ZNF566: variants seen among roughly 807,000 people sequenced by gnomAD.
The protein encoded by ZNF566 is zinc finger protein 566.
A neutral mutation model predicts 32.8 loss-of-function variants in ZNF566; 27 were observed. The observed-to-expected ratio is 0.82, with a 90% CI of 0.61 to 1.14. The LOEUF is 1.14. Ranked by LOEUF, ZNF566 falls within the 50% of genes most tolerant of loss-of-function variation. The pLI, the probability that ZNF566 is intolerant of heterozygous loss-of-function variation, is 0.00. For synonymous variants in ZNF566, 154 were observed against 159.5 expected, an observed-to-expected ratio of 0.97 and a Z score of 0.26; for missense variants, 402 against 490.4, an observed-to-expected ratio of 0.82 and a Z score of 1.70.
intron 4 of ZNF566, among the ~76,000 whole-genome samples, chr19:36,459,713 T>A (rs1467860726): frequency 2.0e-5 from 3 of 148,126 alleles, no homozygotes; most frequent in African/African-American, 7.5e-5. Flanking sequence ...GGTTTCACCA[T>A]GTTGGCCAGG....
intron 1 of ZNF566, among the ~76,000 whole-genome samples, chr19:36,483,355 A>G (rs964956666): frequency 9.2e-5 from 14 of 152,230 alleles, no homozygotes; most frequent in Admixed American, 9.2e-4. Context: ...CACCAGTAGC[A>G]ATAAGCACAC....
At chr19:36,478,291 A>C (rs2033945547) in intron 1 of ZNF566, among the ~76,000 whole-genome samples, 1 of 152,208 alleles carries the variant, frequency 6.6e-6, no homozygotes, top group South Asian at 2.1e-4. Context: ...ATAGCCTATG[A>C]TATATAATAG....
At chr19:36,456,274 G>A (rs1413947030) in intron 4 of ZNF566, among the ~76,000 whole-genome samples, 3 of 150,358 alleles carry the variant, frequency 2.0e-5, no homozygotes, top group East Asian at 1.9e-4. Flanking sequence ...GGTGGCTCAC[G>A]CCTGTAATCA....
chr19:36,469,493 TCACGCCTTTACACTCCAGCCTGGGTAACA>T (rs2033709918), intron 4 of ZNF566, among the ~76,000 whole-genome samples: 3 of 151,770 alleles, frequency 2.0e-5, no homozygotes, highest in African/African-American at 7.3e-5. Context: ...TGAGCCGAGA[TCACGCCTTTACACTCCAGCCTGGGTAACA>T]AGAGCGAAAC....
intron 1 of ZNF566, among the ~76,000 whole-genome samples, chr19:36,481,774 C>T (rs1048458552): frequency 6.6e-6 from 1 of 152,168 alleles, no homozygotes; most frequent in Non-Finnish European, 1.5e-5. Flanking sequence ...GTTATTGCAG[C>T]ACTGTTTCTA....
At chr19:36,457,173 G>A (rs1002892624) in intron 4 of ZNF566, among the ~76,000 whole-genome samples, 2 of 152,170 alleles carry the variant, frequency 1.3e-5, no homozygotes, top group Non-Finnish European at 2.9e-5. Flanking sequence ...TCAATAAATG[G>A]TGATGAGAAA....
chr19:36,477,267 C>G (rs1039939801), intron 1 of ZNF566, among the ~76,000 whole-genome samples: 13 of 152,136 alleles, frequency 8.5e-5, no homozygotes, highest in African/African-American at 3.1e-4. Flanking sequence ...GACTCCACCT[C>G]CCAATGTGCT....
chr19:36,471,104 C>T (rs868498910), intron 4 of ZNF566, among the ~76,000 whole-genome samples: 4 of 151,014 alleles, frequency 2.6e-5, no homozygotes, highest in Admixed American at 6.6e-5. Flanking sequence ...ATCCCAACTA[C>T]TCGGGAGGCT....
rs769264618 is a variant in ZNF566 at position 36,473,053 on chromosome 19, T to C, written c.137-47A>G. On this transcript the variant is annotated intron_variant, in intron 3 of 4. Coordinates refer to ENST00000452939, the MANE Select transcript of ZNF566 (RefSeq NM_001145344.1). Reference sequence around the variant, plus strand: ...AAACAAATTTATCATGAGCATATCCTAGAATTCAAATCCAGTCCCTTCATT... The same window carrying C: ...AAACAAATTTATCATGAGCATATCCCAGAATTCAAATCCAGTCCCTTCATT... 5 of 1,532,052 alleles carry C rather than the reference T, an allele frequency of 3.3e-6. No individual in the cohort carries two copies. The Admixed American group carries it at 8.8e-5, about 27-fold the overall frequency. 94.9% of individuals were successfully genotyped at this position (1,532,052 alleles called of 1,614,324 possible). A position where few individuals can be genotyped will look rare whatever the true frequency, so the allele number is the denominator to read the frequency against.
chr19:36,453,673 T>C (rs530748664), intron 4 of ZNF566, among the ~76,000 whole-genome samples: 279 of 151,554 alleles, frequency 1.8e-3, no homozygotes, highest in Non-Finnish European at 3.1e-3. Context: ...GCTATTATTA[T>C]TATTATTACT....
chr19:36,465,980 T>C (rs535377959), intron 4 of ZNF566, among the ~76,000 whole-genome samples: 1 of 150,658 alleles, frequency 6.6e-6, no homozygotes, highest in African/African-American at 2.4e-5. Flanking sequence ...TTTATGTCAG[T>C]TTAATAGAAG....
At chr19:36,482,518 C>T (rs2034061927) in intron 1 of ZNF566, among the ~76,000 whole-genome samples, 1 of 149,750 alleles carries the variant, frequency 6.7e-6, no homozygotes, top group Non-Finnish European at 1.5e-5. Context: ...AAAAAAAAAA[C>T]ATACTGAAAA....
intron 4 of ZNF566, among the ~76,000 whole-genome samples, chr19:36,468,374 G>T (rs113389992): frequency 6.6e-6 from 1 of 151,758 alleles, no homozygotes; most frequent in African/African-American, 2.4e-5. Flanking sequence ...GGGAGGTTGA[G>T]GTGGGAGGAT....
chr19:36,480,805 C>A (rs551937002), intron 1 of ZNF566, among the ~76,000 whole-genome samples: 1 of 151,466 alleles, frequency 6.6e-6, no homozygotes, highest in East Asian at 2.0e-4. Context: ...CAAGGCCCAC[C>A]AAGGCAGGCG....
chr19:36,479,134 T>C (rs1451025701), intron 1 of ZNF566, among the ~76,000 whole-genome samples: 2 of 152,236 alleles, frequency 1.3e-5, no homozygotes, highest in Non-Finnish European at 2.9e-5. Flanking sequence ...AGAGCTAATG[T>C]TATAACTAAT....
chr19:36,461,300 C>T (rs1027332757), intron 4 of ZNF566, among the ~76,000 whole-genome samples: 5 of 152,162 alleles, frequency 3.3e-5, no homozygotes, highest in Non-Finnish European at 7.4e-5. Flanking sequence ...GTAGGATACA[C>T]CCTGAGTTAC....
chr19:36,473,150 T>C lies in ZNF566; in HGVS notation c.137-144A>G, dbSNP rs1367539219. Reference sequence around the variant, plus strand: ...CGGACTTATGAAACATAACGGAAGATGTAAAACATCCCCAAAAACTCAATG... The same window carrying C: ...CGGACTTATGAAACATAACGGAAGACGTAAAACATCCCCAAAAACTCAATG... On this transcript the variant is annotated intron_variant, in intron 3 of 4. Transcript: ENST00000452939. 3.8e-6 allele frequency: 4 copies of C among 1,046,248 alleles called. No individual in the cohort carries two copies. The African/African-American group carries it at 4.8e-5, about 13-fold the overall frequency. 64.8% of individuals were successfully genotyped at this position (1,046,248 alleles called of 1,614,324 possible).
chr19:36,485,620 G>A (rs1015005730), intron 1 of ZNF566, among the ~76,000 whole-genome samples: 4 of 151,714 alleles, frequency 2.6e-5, no homozygotes, highest in African/African-American at 9.7e-5. Context: ...AAATCAGCCG[G>A]GGGTGGTGGC....
intron 4 of ZNF566, among the ~76,000 whole-genome samples, chr19:36,465,205 T>A (rs2033580959): frequency 6.6e-6 from 1 of 152,094 alleles, no homozygotes; most frequent in Non-Finnish European, 1.5e-5. Flanking sequence ...GAGTTCATAC[T>A]CACCAATCAG....
Sources: allele counts gnomAD v4.1 joint callset (sites outside exome capture counted in the v4.1 genomes callset), GRCh38; gene constraint gnomAD v4.1.1; transcripts MANE v1.5; gene names NCBI Gene and HGNC (gene_info 2026-07-23, HGNC 2026-07-21).